PARD3B: variants seen among roughly 807,000 people sequenced by gnomAD.
PARD3B encodes the protein partitioning defective 3 homolog B.
PARD3B carries 103 observed loss-of-function variants against 130.2 expected under a neutral mutation model. The ratio of observed to expected loss-of-function variants is 0.79; its 90% confidence interval spans 0.67 to 0.93. The LOEUF (loss-of-function observed/expected upper bound fraction) is 0.93, where lower values mean the gene tolerates loss of function less well. PARD3B is among the 40% of genes least tolerant of loss of function. PARD3B has a pLI of 0.00. For synonymous variants in PARD3B, 583 were observed against 553.2 expected (o/e 1.05, Z -0.76); for missense variants, 1,609 against 1,499.2 (o/e 1.07, Z -1.21).
chr2:205,214,013 C>G (rs908819027), intron 15 of PARD3B, among the ~76,000 whole-genome samples: 2 of 151,874 alleles, frequency 1.3e-5, no homozygotes, highest in African/African-American at 4.8e-5. Flanking sequence ...GTTTGTGGCC[C>G]CTCCTAGTCT....
At chr2:204,998,119 A>C (rs1224800809) in intron 3 of PARD3B, among the ~76,000 whole-genome samples, 1 of 149,214 alleles carries the variant, frequency 6.7e-6, no homozygotes, top group Non-Finnish European at 1.5e-5. Flanking sequence ...AGACAAATAT[A>C]AGAATTAGAG....
rs568511216 is a variant in PARD3B at position 205,181,807 on chromosome 2, A to G, written c.1925-3957A>G. Among the ~76,000 whole-genome samples the G allele has an allele frequency of 5.3e-5, 8 of 152,368 alleles. No homozygotes were observed. In the South Asian group the frequency reaches 1.7e-3, roughly 32 times the overall value. ...AATGACTACAGGGAGTGCTGTGTCA[A>G]CATTTACAGGCATAGATATATACGA... On this transcript the variant is annotated intron_variant, in intron 13 of 22. Coordinates refer to ENST00000406610, the MANE Select transcript of PARD3B (RefSeq NM_001302769.2).
chr2:204,777,498 G>T (rs546684945), intron 2 of PARD3B, among the ~76,000 whole-genome samples: 1 of 152,294 alleles, frequency 6.6e-6, no homozygotes, highest in South Asian at 2.1e-4. Flanking sequence ...TCCAGGCATA[G>T]TGGCCCATGC....
chr2:205,534,164 A>G (rs1372615883), intron 21 of PARD3B, among the ~76,000 whole-genome samples: 1 of 152,110 alleles, frequency 6.6e-6, no homozygotes, highest in Non-Finnish European at 1.5e-5. Flanking sequence ...TTTTCAAGGG[A>G]CTGGTCCTGG....
chr2:205,464,009 A>G (rs1347481971), intron 20 of PARD3B, among the ~76,000 whole-genome samples: 3 of 152,204 alleles, frequency 2.0e-5, no homozygotes, highest in East Asian at 3.9e-4. Flanking sequence ...AGTAGTCAGA[A>G]CCCATGGGAT....
Position 205,399,923 on chromosome 2 carries a change from G to A in PARD3B, c.2631-1090G>A, listed in dbSNP as rs147556969. ...GCATAAAGGAAAGCGTACAGGCAGAGATCGGGTTCTAATCTCAGCCCTGCC... is the reference window on the plus strand; with the variant it reads ...GCATAAAGGAAAGCGTACAGGCAGAAATCGGGTTCTAATCTCAGCCCTGCC... On this transcript the variant is annotated intron_variant, in intron 18 of 22. Transcript: ENST00000406610. Among the ~76,000 whole-genome samples, 208 of 152,310 alleles carry A rather than the reference G, an allele frequency of 1.4e-3. 1 individual carries two copies. Among genetic ancestry groups the A allele is most frequent in the African/African-American group, 4.6e-3 (190 of 41,560 alleles).
chr2:205,077,046 C>A (rs1451411227), intron 4 of PARD3B, among the ~76,000 whole-genome samples: 1 of 152,152 alleles, frequency 6.6e-6, no homozygotes, highest in Non-Finnish European at 1.5e-5. Flanking sequence ...TTAATAGCAA[C>A]AAAGTTGCCC....
chr2:204,585,801 T>A (rs544215499), intron 1 of PARD3B, among the ~76,000 whole-genome samples: 2 of 152,318 alleles, frequency 1.3e-5, no homozygotes, highest in South Asian at 4.1e-4. Context: ...ACATTTTTTA[T>A]ACTTAAAATA....
chr2:204,836,290 A>C (rs1334633110), intron 2 of PARD3B, among the ~76,000 whole-genome samples: 1 of 152,216 alleles, frequency 6.6e-6, no homozygotes, highest in Non-Finnish European at 1.5e-5. Flanking sequence ...CATCTCTACA[A>C]GTAAATCAGA....
chr2:204,574,690 G>T (rs73057269), intron 1 of PARD3B, among the ~76,000 whole-genome samples: 2 of 152,114 alleles, frequency 1.3e-5, no homozygotes, highest in African/African-American at 4.8e-5. Context: ...GCTGTGGAAC[G>T]CTAAATGAGG....
chr2:204,936,544 C>A (rs1246882865), intron 2 of PARD3B, among the ~76,000 whole-genome samples: 1 of 152,058 alleles, frequency 6.6e-6, no homozygotes, highest in African/African-American at 2.4e-5. Context: ...TCATAATAAT[C>A]CCATTGAAAA....
chr2:204,814,106 A>C (rs2043059659), intron 2 of PARD3B, among the ~76,000 whole-genome samples: 2 of 151,996 alleles, frequency 1.3e-5, no homozygotes, highest in Non-Finnish European at 2.9e-5. Context: ...GGTATAACAT[A>C]TCTCTCCATT....
At chr2:205,154,320 A>G (rs1203252906) in intron 10 of PARD3B, among the ~76,000 whole-genome samples, 2 of 152,208 alleles carry the variant, frequency 1.3e-5, no homozygotes, top group African/African-American at 2.4e-5. Flanking sequence ...TGGCCATCAG[A>G]GAAATGCAAA....
intron 1 of PARD3B, among the ~76,000 whole-genome samples, chr2:204,634,212 T>G (rs1389423412): frequency 2.6e-5 from 4 of 152,166 alleles, no homozygotes; most frequent in African/African-American, 9.6e-5. Flanking sequence ...TTTTGATTTT[T>G]AGATCCCACA....
chr2:204,582,735 A>G (rs2032625464), intron 1 of PARD3B, among the ~76,000 whole-genome samples: 1 of 152,208 alleles, frequency 6.6e-6, no homozygotes, highest in Non-Finnish European at 1.5e-5. Context: ...ACAGCTTGAG[A>G]GAAACATTTA....
chr2:204,771,843 G>A (rs2041401017), intron 2 of PARD3B, among the ~76,000 whole-genome samples: 1 of 151,874 alleles, frequency 6.6e-6, no homozygotes, highest in South Asian at 2.1e-4. Context: ...ACTTTTAGAG[G>A]GAGACTTTAA....
chr2:205,611,272 T>C (rs2055219504), intron 22 of PARD3B, among the ~76,000 whole-genome samples: 1 of 152,162 alleles, frequency 6.6e-6, no homozygotes, highest in East Asian at 1.9e-4. Context: ...TTGCTATTAA[T>C]TTTGTCCTTC....
At position 205,341,752 on chromosome 2, in the gene PARD3B, T is replaced by A. The variant is rs2043539154; in HGVS notation, c.2630+40051T>A. On this transcript the variant is annotated intron_variant, in intron 18 of 22. Coordinates refer to ENST00000406610, the MANE Select transcript of PARD3B (RefSeq NM_001302769.2). The surrounding 1 kb of genome is among the most constrained non-coding windows in gnomAD (Gnocchi z 4.3). Reference sequence around the variant, plus strand: ...GAATGTTCCCAACACGAAGAAATGATGCATGTTTGAAATGATGGATATGCT... The same window carrying A: ...GAATGTTCCCAACACGAAGAAATGAAGCATGTTTGAAATGATGGATATGCT... Among the ~76,000 whole-genome samples the A allele has an allele frequency of 6.6e-6, 1 of 152,160 alleles. No homozygotes were observed. Among genetic ancestry groups the A allele is most frequent in the South Asian group, 2.1e-4 (1 of 4,834 alleles).
chr2:205,528,160 T>G (rs906703215), intron 21 of PARD3B, among the ~76,000 whole-genome samples: 7 of 152,154 alleles, frequency 4.6e-5, no homozygotes, highest in African/African-American at 1.7e-4. Context: ...ACAGTCACAG[T>G]AGCCTCTCAT....
Sources: allele counts gnomAD v4.1 joint callset (sites outside exome capture counted in the v4.1 genomes callset), GRCh38; gene constraint gnomAD v4.1.1; non-coding constraint Gnocchi (gnomAD v3.1); transcripts MANE v1.5; gene names NCBI Gene and HGNC (gene_info 2026-07-23, HGNC 2026-07-21).